The following ZNF804B variants were observed in gnomAD, a reference collection of about 807,000 sequenced individuals.
The protein encoded by ZNF804B is zinc finger 804B.
Under a neutral mutation model 101.4 loss-of-function variants are expected in ZNF804B, and 80 were observed. The observed-to-expected ratio is 0.79, with a 90% CI of 0.66 to 0.95. The LOEUF is 0.95. Ranked by LOEUF, ZNF804B falls within the 40% of genes least tolerant of loss-of-function variation. ZNF804B has a pLI of 0.00. For missense variants in ZNF804B, 1,673 were observed against 1,561.9 expected (o/e 1.07, Z -1.20); for synonymous variants, 622 against 558.8 (o/e 1.11, Z -1.59).
chr7:88,962,331 G>A lies in ZNF804B; in HGVS notation c.108+202247G>A, dbSNP rs182953507. The stretch of plus-strand genomic sequence containing the variant: ...CTACAGTTTATGTAGCAAGCATCCA[G>A]CCAGATGACGATATGTAGTTGTATC... On this transcript the variant is annotated intron_variant, in intron 1 of 3. Transcript: ENST00000333190. 7.3e-4 allele frequency among the ~76,000 whole-genome samples: 110 copies of A among 151,260 alleles called. No homozygotes were observed. In the Middle Eastern group the frequency reaches 0.017, roughly 23 times the overall value.
At chr7:88,866,954 GAA>G (rs902329853) in intron 1 of ZNF804B, among the ~76,000 whole-genome samples, 1 of 152,134 alleles carries the variant, frequency 6.6e-6, no homozygotes, top group African/African-American at 2.4e-5. Context: ...GTGTTTCTGT[GAA>G]AGTAGAACAT....
chr7:89,262,959 C>A (rs957589759), intron 2 of ZNF804B, among the ~76,000 whole-genome samples: 2 of 144,806 alleles, frequency 1.4e-5, no homozygotes, highest in Non-Finnish European at 3.1e-5. Flanking sequence ...TTGCTGCTTT[C>A]TTGTGCACTT....
At chr7:89,094,422 G>T (rs1194060007) in intron 1 of ZNF804B, among the ~76,000 whole-genome samples, 1 of 152,128 alleles carries the variant, frequency 6.6e-6, no homozygotes, top group Non-Finnish European at 1.5e-5. Flanking sequence ...TGCTGAGAAA[G>T]TCTACCTTTC....
chr7:89,271,278 G>A lies in ZNF804B; in HGVS notation c.249+52983G>A, dbSNP rs537811752. On this transcript the variant is annotated intron_variant, in intron 2 of 3. Coordinates refer to ENST00000333190, the MANE Select transcript of ZNF804B (RefSeq NM_181646.5). ...TTTATTGAGAGTTTTTAGCATGAAG[G>A]GCTGTTGAATTTTGTCAAAGGCCTT... Among the ~76,000 whole-genome samples the A allele has an allele frequency of 2.2e-3, 328 of 152,094 alleles. 3 individuals are homozygous for A. The highest frequency in any genetic ancestry group is 7.5e-3 in the African/African-American group (313 of 41,466).
At chr7:88,778,633 G>A (rs1274990758) in intron 1 of ZNF804B, among the ~76,000 whole-genome samples, 2 of 152,166 alleles carry the variant, frequency 1.3e-5, no homozygotes, top group Non-Finnish European at 2.9e-5. Context: ...CTTGAAGCTT[G>A]AGAATATTTT....
intron 2 of ZNF804B, among the ~76,000 whole-genome samples, chr7:89,225,585 T>C (rs1225002460): frequency 6.6e-6 from 1 of 152,126 alleles, no homozygotes; most frequent in Non-Finnish European, 1.5e-5. Flanking sequence ...CATTTCACTC[T>C]GTCCTATGTC....
chr7:89,029,045 G>A (rs1788790097), intron 1 of ZNF804B, among the ~76,000 whole-genome samples: 2 of 152,126 alleles, frequency 1.3e-5, no homozygotes, highest in South Asian at 4.1e-4. Flanking sequence ...GCACACATAA[G>A]TGCTTATGAA....
chr7:88,774,675 G>C (rs1790117466), intron 1 of ZNF804B, among the ~76,000 whole-genome samples: 3 of 152,190 alleles, frequency 2.0e-5, no homozygotes, highest in African/African-American at 7.2e-5. Flanking sequence ...TAATACCTCA[G>C]GTGTTGGATC....
At chr7:89,116,949 T>G (rs1257843532) in intron 1 of ZNF804B, among the ~76,000 whole-genome samples, 1 of 152,130 alleles carries the variant, frequency 6.6e-6, no homozygotes. Context: ...ATTATCTGAG[T>G]GGCCTTAAAT....
At chr7:88,889,388 A>C (rs1163162534) in intron 1 of ZNF804B, among the ~76,000 whole-genome samples, 3 of 152,184 alleles carry the variant, frequency 2.0e-5, no homozygotes, top group Non-Finnish European at 4.4e-5. Context: ...AAATTAATTT[A>C]CATTCCCACC....
intron 1 of ZNF804B, among the ~76,000 whole-genome samples, chr7:88,956,388 A>G (rs561350972): frequency 6.6e-6 from 1 of 151,636 alleles, no homozygotes; most frequent in Admixed American, 6.6e-5. Flanking sequence ...TTAATTGCAC[A>G]CATACATAAA....
At chr7:88,912,618 A>C (rs1296369895) in intron 1 of ZNF804B, among the ~76,000 whole-genome samples, 3 of 152,146 alleles carry the variant, frequency 2.0e-5, no homozygotes, top group Non-Finnish European at 4.4e-5. Flanking sequence ...ATTTATCTCC[A>C]AAGTTTATGT....
chr7:88,787,728 C>A (rs1790322970), intron 1 of ZNF804B, among the ~76,000 whole-genome samples: 1 of 152,120 alleles, frequency 6.6e-6, no homozygotes, highest in South Asian at 2.1e-4. Context: ...GGTAAAGAAA[C>A]AAATTACACT....
At chr7:89,192,514 A>C (rs908896327) in intron 1 of ZNF804B, among the ~76,000 whole-genome samples, 1 of 152,236 alleles carries the variant, frequency 6.6e-6, no homozygotes, top group South Asian at 2.1e-4. Flanking sequence ...GATTCCATTT[A>C]TATAAAATCT....
chr7:89,231,155 A>T (rs911207291), intron 2 of ZNF804B, among the ~76,000 whole-genome samples: 26 of 152,128 alleles, frequency 1.7e-4, no homozygotes, highest in African/African-American at 4.8e-4. Flanking sequence ...CCCAAGTTCA[A>T]TTTTTTTCTT....
Position 88,768,829 on chromosome 7 carries a change from G to C in ZNF804B, c.108+8745G>C, listed in dbSNP as rs73389465. On this transcript the variant is annotated intron_variant, in intron 1 of 3. Coordinates refer to ENST00000333190, the MANE Select transcript of ZNF804B (RefSeq NM_181646.5). ...TGGGTATTACTTCTGGCCACTGATA[G>C]AGGGACAATATTACATGAGGATCAA... Among the ~76,000 whole-genome samples the C allele has an allele frequency of 2.8e-3, 419 of 152,338 alleles. 2 individuals are homozygous for C. The highest frequency in any genetic ancestry group is 9.9e-3 in the African/African-American group (411 of 41,580).
chr7:89,297,024 G>A (rs528095673), intron 2 of ZNF804B, among the ~76,000 whole-genome samples: 2 of 152,040 alleles, frequency 1.3e-5, no homozygotes, highest in Non-Finnish European at 1.5e-5. Context: ...AAAATTGAGC[G>A]GTCAAGAAAT....
Position 89,335,504 on chromosome 7 carries a change from A to G in ZNF804B, c.2522A>G (p.Lys841Arg), listed in dbSNP as rs1791064047. The change falls in exon 4 of 4, where the codon AAA (lysine) becomes AGA (arginine). Residue 841 changes from lysine to arginine, a missense_variant. By Grantham distance (26) the Lys-to-Arg change is conservative (BLOSUM62 2). Coordinates refer to ENST00000333190, the MANE Select transcript of ZNF804B (RefSeq NM_181646.5). The part of the protein sequence containing the change: ...NSQISCTGSS[K>R]KPPNCQGTQH... Reference sequence around the variant, plus strand: ...CAGATTTCCTGTACTGGAAGCAGTAAAAAACCACCTAATTGCCAGGGAACT... The same window carrying G: ...CAGATTTCCTGTACTGGAAGCAGTAGAAAACCACCTAATTGCCAGGGAACT... 1.2e-6 allele frequency: 2 copies of G among 1,613,860 alleles called. No homozygotes were observed. Among genetic ancestry groups the G allele is most frequent in the Non-Finnish European group, 1.7e-6 (2 of 1,179,956 alleles).
chr7:89,306,012 T>C (rs1176351923), intron 2 of ZNF804B, among the ~76,000 whole-genome samples: 1 of 151,990 alleles, frequency 6.6e-6, no homozygotes, highest in Non-Finnish European at 1.5e-5. Flanking sequence ...TTTGAATTAG[T>C]GTAGTTAATA....
Sources: gnomAD v4.1 joint callset for allele counts (sites outside exome capture counted in the v4.1 genomes callset) on GRCh38, gnomAD v4.1.1 for gene constraint, MANE v1.5 for transcripts, NCBI Gene and HGNC (gene_info 2026-07-23, HGNC 2026-07-21) for gene names.